ELL2: variants seen among roughly 807,000 people sequenced by gnomAD.
The protein encoded by ELL2 is elongation factor for RNA polymerase II 2, also known as RNA polymerase II elongation factor ELL2.
A neutral mutation model predicts 72.8 loss-of-function variants in ELL2; 21 were observed. That is an observed-to-expected ratio of 0.29 (90% confidence interval 0.20 to 0.42). The LOEUF is 0.42. Among genes scored for constraint, ELL2 ranks in the 10% least tolerant of loss-of-function variants. The pLI is 1.00. For missense variants in ELL2, 568 were observed against 772.8 expected (o/e 0.73, Z 3.14); for synonymous variants, 266 against 283.2 (o/e 0.94, Z 0.61).
chr5:95,940,698 T>C (rs1291679480), intron 2 of ELL2, among the ~76,000 whole-genome samples: 1 of 152,098 alleles, frequency 6.6e-6, no homozygotes, highest in Non-Finnish European at 1.5e-5. Flanking sequence ...TTGTGGAAAA[T>C]TTAAATTTAA....
At chr5:95,912,232 C>G (rs1269219436) in intron 4 of ELL2, among the ~76,000 whole-genome samples, 1 of 152,088 alleles carries the variant, frequency 6.6e-6, no homozygotes, top group African/African-American at 2.4e-5. Flanking sequence ...ACAGATGACA[C>G]CCAAGGACCA....
At chr5:95,907,209 G>A (rs547780645) in intron 4 of ELL2, among the ~76,000 whole-genome samples, 24 of 150,456 alleles carry the variant, frequency 1.6e-4, no homozygotes, top group African/African-American at 5.6e-4. Flanking sequence ...TGAGCATTAC[G>A]TTAGTAATTT....
At chr5:95,896,642 G>T (rs1748888543) in intron 8 of ELL2, among the ~76,000 whole-genome samples, 1 of 152,204 alleles carries the variant, frequency 6.6e-6, no homozygotes, top group Admixed American at 6.5e-5. Flanking sequence ...AAAGAGAAAG[G>T]CATCAAGTGC....
intron 2 of ELL2, among the ~76,000 whole-genome samples, chr5:95,940,538 A>G (rs975085471): frequency 3.3e-5 from 5 of 152,318 alleles, no homozygotes; most frequent in Middle Eastern, 3.4e-3. Context: ...TTTTAACATT[A>G]TATGTTCAGT....
At chr5:95,907,296 A>ATTTT (rs1211663802) in intron 4 of ELL2, among the ~76,000 whole-genome samples, 6 of 116,494 alleles carry the variant, frequency 5.2e-5, no homozygotes, top group African/African-American at 2.4e-4. Context: ...ATATATATAT[A>ATTTT]TTTTTTTTTT....
At chr5:95,895,788 T>C (rs2112272183) in intron 8 of ELL2, 97 bp from the exon 9 acceptor site, 1 of 943,748 alleles carries the variant, frequency 1.1e-6, no homozygotes, top group Non-Finnish European at 1.7e-6. Context: ...TGGAACACTT[T>C]TCCTCAAATT....
intron 1 of ELL2, among the ~76,000 whole-genome samples, chr5:95,949,935 T>C (rs1166741002): frequency 6.6e-6 from 1 of 152,196 alleles, no homozygotes; most frequent in Non-Finnish European, 1.5e-5. Flanking sequence ...ACTATTATTC[T>C]CATTTCTCAG....
chr5:95,889,490 T>C (rs1402271436), intron 10 of ELL2, among the ~76,000 whole-genome samples: 1 of 152,170 alleles, frequency 6.6e-6, no homozygotes, highest in Non-Finnish European at 1.5e-5. Context: ...TATGTACCAA[T>C]ATAAAAAAAT....
chr5:95,899,453 A>AT (rs5869699), intron 7 of ELL2, among the ~76,000 whole-genome samples: 56,578 of 149,586 alleles, frequency 0.38, 11,936 homozygotes, highest in African/African-American at 0.59. Flanking sequence ...ATGCTATTTA[A>AT]TTTTTTTTTT....
chr5:95,904,957 T>C (rs1561493735), intron 5 of ELL2, among the ~76,000 whole-genome samples: 1 of 152,114 alleles, frequency 6.6e-6, no homozygotes, highest in Non-Finnish European at 1.5e-5. Flanking sequence ...AAATGGTCGA[T>C]GTTGTTAGCC....
At chr5:95,947,828 C>T (rs1399454279) in intron 1 of ELL2, among the ~76,000 whole-genome samples, 1 of 151,760 alleles carries the variant, frequency 6.6e-6, no homozygotes, top group African/African-American at 2.4e-5. Flanking sequence ...TCCAAAAAAA[C>T]TAAAGTATAA....
chr5:95,948,283 T>A (rs1751242349), intron 1 of ELL2, among the ~76,000 whole-genome samples: 1 of 151,558 alleles, frequency 6.6e-6, no homozygotes. Context: ...AACGAAAAAT[T>A]AGCCGGGTGT....
chr5:95,913,965 A>T, intron 3 of ELL2, 31 bp from the exon 4 acceptor site: 1 of 1,552,020 alleles, frequency 6.4e-7, no homozygotes, highest in Non-Finnish European at 8.7e-7. Flanking sequence ...TTTGTTAGAC[A>T]TGACCTTCAT....
At chr5:95,915,552 C>G (rs1323010099) in intron 3 of ELL2, among the ~76,000 whole-genome samples, 1 of 152,212 alleles carries the variant, frequency 6.6e-6, no homozygotes, top group Non-Finnish European at 1.5e-5. Context: ...GTGACAAGAA[C>G]TAACAGTTGT....
At chr5:95,889,177 G>T in intron 10 of ELL2, 47 bp from the exon 11 acceptor site, 2 of 1,434,566 alleles carry the variant, frequency 1.4e-6, no homozygotes, top group Non-Finnish European at 1.9e-6. Context: ...CTTCTTTTGT[G>T]TGTGGCAATA....
intron 2 of ELL2, among the ~76,000 whole-genome samples, chr5:95,936,483 C>T (rs921548750): frequency 1.3e-5 from 2 of 152,124 alleles, no homozygotes; most frequent in African/African-American, 2.4e-5. Context: ...AAGGTGAAAC[C>T]TAACTCCTCA....
intron 9 of ELL2, among the ~76,000 whole-genome samples, chr5:95,893,576 G>A (rs532271140): frequency 3.6e-4 from 55 of 152,146 alleles, no homozygotes; most frequent in African/African-American, 1.2e-3. Flanking sequence ...TAGTAGAGAC[G>A]GGGTTTCACC....
chr5:95,914,377 A>C (rs565519593), intron 3 of ELL2, among the ~76,000 whole-genome samples: 2 of 152,220 alleles, frequency 1.3e-5, no homozygotes, highest in South Asian at 4.1e-4. Context: ...TTTTTATTTT[A>C]AATAATATAT....
chr5:95,902,632 A>AAC (rs775196940), intron 5 of ELL2, among the ~76,000 whole-genome samples: 11 of 152,246 alleles, frequency 7.2e-5, no homozygotes, highest in Non-Finnish European at 1.2e-4. Flanking sequence ...ACACTATTCT[A>AAC]ACAGTAATGT....
Sources: allele counts gnomAD v4.1 joint callset (sites outside exome capture counted in the v4.1 genomes callset), GRCh38; gene constraint gnomAD v4.1.1; transcripts MANE v1.5; gene names NCBI Gene and HGNC (gene_info 2026-07-23, HGNC 2026-07-21).